Variants in CETP observed in about 807,000 individuals in gnomAD.
The protein encoded by CETP is BPI fold containing family F.
In CETP, 56 loss-of-function variants were observed where a neutral mutation model predicts 66.5. The ratio of observed to expected loss-of-function variants is 0.84; its 90% CI spans 0.68 to 1.05. The LOEUF (loss-of-function observed/expected upper bound fraction) is 1.05, where lower values mean the gene tolerates loss of function less well. Among genes scored for constraint, CETP ranks in the 50% least tolerant of loss-of-function variants. The pLI is 0.00. For synonymous variants in CETP, 251 were observed against 245.7 expected (o/e 1.02, Z -0.20); for missense variants, 612 against 609.6 (o/e 1.00, Z -0.04).
At chr16:56,982,936 A>G (rs944863457) in intron 14 of CETP, among the ~76,000 whole-genome samples, 5 of 152,192 alleles carry the variant, frequency 3.3e-5, no homozygotes, top group African/African-American at 1.2e-4. Context: ...GGGGATGTGG[A>G]TTAAATGGTT....
chr16:56,977,036 T>G (rs1968905), intron 10 of CETP, among the ~76,000 whole-genome samples: 119,084 of 151,954 alleles, frequency 0.78, 46,843 homozygotes, highest in Admixed American at 0.82. Context: ...AGCCTCCCGA[T>G]TGGCTGGGGT....
rs753695890 is a variant in CETP, at chr16:56,969,978, C to T, written c.504C>T (p.Leu168=). 5.6e-6 allele frequency: 9 copies of T among 1,614,042 alleles called. No homozygotes were observed. The East Asian group carries it at 1.8e-4, about 32-fold the overall frequency. ...PDCYLSFHKL[L]LHLQGEREPG... ...GCTACCTGTCTTTCCATAAGCTGCTCCTGCATCTCCAAGGGGAGCGAGAGT... is the reference window on the plus strand; with the variant it reads ...GCTACCTGTCTTTCCATAAGCTGCTTCTGCATCTCCAAGGGGAGCGAGAGT... The change falls in exon 5 of 16, where the codon CTC becomes CTT. Residue 168 remains leucine (L), a synonymous_variant. Coordinates refer to ENST00000200676, the MANE Select transcript of CETP (RefSeq NM_000078.3).
chr16:56,983,747 AGCG>A lies in CETP; in HGVS notation c.*82_*84del. 7.4e-7 allele frequency: 1 copy of A among 1,355,758 alleles called. No individual in the cohort carries two copies. 84.0% of individuals were successfully genotyped at this position (1,355,758 alleles called of 1,614,324 possible). A position where few individuals can be genotyped will look rare whatever the true frequency, so the allele number is the denominator to read the frequency against. ...CAGCTGGAACCCTGGTGTCTCCTCC[AGCG>A]TGGTGGAAGTTGGGTTAGGAGTACG... On this transcript the variant is annotated 3_prime_UTR_variant, in exon 16 of 16. Coordinates refer to ENST00000200676, the MANE Select transcript of CETP (RefSeq NM_000078.3).
chr16:56,971,202 TCTC>T, intron 6 of CETP, 100 bp downstream of exon 6: 2 of 1,506,158 alleles, frequency 1.3e-6, no homozygotes, highest in African/African-American at 2.7e-5. Flanking sequence ...ACTCCCACCT[TCTC>T]CATGTGGCCA....
intron 10 of CETP, among the ~76,000 whole-genome samples, chr16:56,975,637 C>T (rs2056144075): frequency 3.3e-5 from 5 of 152,144 alleles, no homozygotes; most frequent in Admixed American, 3.3e-4. Flanking sequence ...GTTCATAATC[C>T]CACTCCTCAG....
intron 13 of CETP, among the ~76,000 whole-genome samples, chr16:56,981,929 C>A (rs1003296237): frequency 4.6e-5 from 7 of 152,148 alleles, no homozygotes; most frequent in Admixed American, 1.3e-4. Flanking sequence ...CCAAGCAGCG[C>A]CTCCCTGGAC....
intron 11 of CETP, among the ~76,000 whole-genome samples, chr16:56,978,639 C>G (rs1363152622): frequency 1.3e-5 from 2 of 151,570 alleles, no homozygotes; most frequent in African/African-American, 2.4e-5. Flanking sequence ...CACCACCACA[C>G]CTGGCTAATT....
At position 56,969,278 on chromosome 16, in the gene CETP, G is replaced by C. The variant is rs191502884; in HGVS notation, c.234-108G>C. On this transcript the variant is annotated intron_variant, in intron 2 of 15. Coordinates refer to ENST00000200676, the MANE Select transcript of CETP (RefSeq NM_000078.3). ...GTTCTGTGGATTAGGAGGACATTTT[G>C]GGGGCCATGATTCTATCTTCCACCC... The C allele has an allele frequency of 5.0e-6, 7 of 1,413,732 alleles. No homozygotes were observed. The Admixed American group carries it at 1.0e-4, about 20-fold the overall frequency. The allele number at this position is 1,413,732 out of a possible 1,614,324, so 87.6% of individuals were successfully genotyped here. A position where few individuals can be genotyped will look rare whatever the true frequency, so the allele number is the denominator to read the frequency against.
chr16:56,978,650 T>TA (rs200029909), intron 11 of CETP, among the ~76,000 whole-genome samples: 15 of 149,028 alleles, frequency 1.0e-4, no homozygotes, highest in East Asian at 2.0e-4. Flanking sequence ...CTGGCTAATT[T>TA]AAAAAAAAAA....
chr16:56,975,264 G>C (rs1326690027), intron 10 of CETP, 113 bp downstream of exon 10: 4 of 897,074 alleles, frequency 4.5e-6, no homozygotes, highest in Non-Finnish European at 7.3e-6. Context: ...TTATAACAGC[G>C]AACACAGCTC....
chr16:56,971,158 C>CCTGG, intron 6 of CETP, 56 bp downstream of exon 6: 1 of 1,567,312 alleles, frequency 6.4e-7, no homozygotes, highest in South Asian at 1.1e-5. Context: ...GAGGCTGGAT[C>CCTGG]CCTTTCCTCC....
intron 7 of CETP, 49 bp from the exon 8 acceptor site, chr16:56,971,943 G>T: frequency 6.6e-7 from 1 of 1,522,004 alleles, no homozygotes; most frequent in Non-Finnish European, 9.1e-7. Flanking sequence ...CGGTGACTCA[G>T]GGCAATTCCC....
rs148954961 is a variant in CETP at position 56,966,714 on chromosome 16, C to T, written c.234-2672C>T. ...TCCTGGGTTCAAGCGATTCTCCTGC[C>T]TCAACCTCCCGAGCAGCTGGAACCA... On this transcript the variant is annotated intron_variant, in intron 2 of 15. Coordinates refer to ENST00000200676, the MANE Select transcript of CETP (RefSeq NM_000078.3). Among the ~76,000 whole-genome samples, 926 of 152,054 alleles carry T rather than the reference C, an allele frequency of 6.1e-3. 33 individuals are homozygous for T. Among genetic ancestry groups the T allele is most frequent in the Non-Finnish European group, 4.0e-3 (270 of 67,976 alleles).
intron 2 of CETP, among the ~76,000 whole-genome samples, chr16:56,964,305 G>C (rs1318495148): frequency 5.9e-5 from 9 of 152,216 alleles, no homozygotes; most frequent in African/African-American, 2.2e-4. Context: ...GGGATTGCAG[G>C]CGTGAGCCAC....
At chr16:56,962,521 A>C in intron 1 of CETP, 3 of 397,584 alleles carry the variant, frequency 7.5e-6, no homozygotes, top group Non-Finnish European at 1.5e-5. Flanking sequence ...TCCATCACTG[A>C]CTGTTGTGTG....
At chr16:56,969,551 C>T (rs1276566899) in intron 3 of CETP, 31 bp downstream of exon 3, 3 of 1,614,116 alleles carry the variant, frequency 1.9e-6, no homozygotes, top group African/African-American at 2.7e-5. Context: ...ATGCCCCATG[C>T]CCTGGCCCTC....
chr16:56,969,314 A>T (rs1424024670), intron 2 of CETP, 72 bp from the exon 3 acceptor site: 72 of 1,606,368 alleles, frequency 4.5e-5, no homozygotes, highest in Non-Finnish European at 6.0e-5. Flanking sequence ...TCGCCTAGAC[A>T]AAATTGGAGG....
rs12720899 is a variant in CETP, at chr16:56,976,920, A to G, written c.982-1171A>G. Among the ~76,000 whole-genome samples the G allele has an allele frequency of 2.9e-3, 427 of 149,128 alleles. 1 individual carries two copies. The highest frequency in any genetic ancestry group is 0.01 in the African/African-American group (415 of 40,532). ...TTTTATTTAATTAATTAATTTATTT[A>G]TTTTTGAGACAGAGTCTCGCTCTTG... is the stretch of plus-strand genomic sequence containing the variant. On this transcript the variant is annotated intron_variant, in intron 10 of 15. Coordinates refer to ENST00000200676, the MANE Select transcript of CETP (RefSeq NM_000078.3).
chr16:56,982,123 C>T (rs2142006903), intron 13 of CETP, 42 bp from the exon 14 acceptor site: 3 of 1,588,594 alleles, frequency 1.9e-6, no homozygotes, highest in East Asian at 2.2e-5. Context: ...TGGGTCACTT[C>T]TGTGCTCCAG....
Sources: gnomAD v4.1 joint callset for allele counts (sites outside exome capture counted in the v4.1 genomes callset) on GRCh38, gnomAD v4.1.1 for gene constraint, MANE v1.5 for transcripts, NCBI Gene and HGNC (gene_info 2026-07-23, HGNC 2026-07-21) for gene names.